TDRKH: variants seen among roughly 807,000 people sequenced by gnomAD.
TDRKH encodes the protein tudor and KH domain containing, also known as tudor and KH domain-containing protein.
A neutral mutation model predicts 61.3 loss-of-function variants in TDRKH; 28 were observed. That is an observed-to-expected ratio of 0.46 (90% CI 0.34 to 0.63). The LOEUF is 0.63. TDRKH is among the 20% of genes least tolerant of loss of function. The pLI is 0.01. For synonymous variants in TDRKH, 219 were observed against 244.4 expected, an observed-to-expected ratio of 0.90 and a Z score of 0.97; for missense variants, 540 against 683.4, an observed-to-expected ratio of 0.79 and a Z score of 2.34.
downstream of TDRKH, among the ~76,000 whole-genome samples, chr1:151,769,803 G>A (rs940327833): frequency 6.6e-6 from 1 of 152,226 alleles, no homozygotes; most frequent in African/African-American, 2.4e-5. Context: ...CTGAGTGAAC[G>A]AGGCTCCGTC....
Position 151,778,817 on chromosome 1 carries a change from C to G in TDRKH, c.751G>C (p.Val251Leu). The stretch of plus-strand genomic sequence containing the variant: ...CCTCCTCCTTTGGGTGGAGGAGTCA[C>G]CAGGGGTGCAGTCGGCTCCATGCTA... ...SSSMEPTAPLVTPPPKGGGDM... is the reference protein window; with the variant it reads ...SSSMEPTAPLLTPPPKGGGDM... Residue 251 changes from valine to leucine, a missense_variant, in exon 6 of 13, where the codon GTG becomes CTG. Val to Leu is a conservative substitution (Grantham distance 32). Coordinates refer to ENST00000368824, the MANE Select transcript of TDRKH (RefSeq NM_001083965.2). The G allele has an allele frequency of 6.2e-7, 1 of 1,614,166 alleles. No homozygotes were observed.
At chr1:151,789,206 G>GT (rs1306966570) in intron 1 of TDRKH, among the ~76,000 whole-genome samples, 3 of 152,166 alleles carry the variant, frequency 2.0e-5, no homozygotes, top group Admixed American at 1.3e-4. Context: ...GAAGCAAAAG[G>GT]TAAATTTCAC....
Position 151,781,557 on chromosome 1 carries a change from T to C in TDRKH, c.155A>G (p.Asp52Gly), listed in dbSNP as rs776396280. The change falls in exon 3 of 13, where the codon GAC (aspartate) becomes GGC (glycine). Residue 52 changes from aspartate (D) to glycine (G), a missense_variant. Physicochemically the swap from Asp to Gly is moderately conservative, Grantham distance 94. This residue lies in a region of TDRKH where 156 missense variants were observed against 218.0 expected (regional missense o/e 0.72). Coordinates refer to ENST00000368824, the MANE Select transcript of TDRKH (RefSeq NM_001083965.2). ...EERLTFVGED[D>G]IEIEMRVPQE... ...GGGAACCCGCATCTCTATCTCAATG[T>C]CATCTTCCCCAACAAATGTCAGCCG... 1.2e-6 allele frequency: 2 copies of C among 1,613,614 alleles called. No homozygotes were observed. The highest frequency in any genetic ancestry group is 1.3e-5 in the African/African-American group (1 of 74,914).
chr1:151,766,705 G>A, downstream of TDRKH: 4 of 1,551,618 alleles, frequency 2.6e-6, no homozygotes, highest in Non-Finnish European at 3.5e-6. Flanking sequence ...GCCACAGGGA[G>A]GCACTGAACT....
At chr1:151,787,775 T>C (rs1265055249) in intron 1 of TDRKH, among the ~76,000 whole-genome samples, 1 of 118,180 alleles carries the variant, frequency 8.5e-6, no homozygotes, top group Admixed American at 1.2e-4. Context: ...TATTCAAGAC[T>C]AGCCTGGGCA....
Position 151,776,498 on chromosome 1 carries a change from G to A in TDRKH, c.985C>T (p.Arg329Cys), listed in dbSNP as rs757835193. Residue 329 changes from arginine (R) to cysteine (C), a missense_variant, in exon 7 of 13, where the codon CGC (arginine) becomes TGC (cysteine). Transcript: ENST00000368824. ...ACAAGCTTATCCAATTGCAGGCTGC[G>A]GGAGCCAACGATCTGGATCCAGAAG... ...NHFWIQIVGS[R>C]SLQLDKLVNE... The A allele has an allele frequency of 1.2e-5, 20 of 1,614,166 alleles. No homozygotes were observed. The highest frequency in any genetic ancestry group is 3.3e-5 in the South Asian group (3 of 91,078).
chr1:151,788,624 C>G (rs574835098), intron 1 of TDRKH, among the ~76,000 whole-genome samples: 1 of 152,268 alleles, frequency 6.6e-6, no homozygotes, highest in African/African-American at 2.4e-5. Flanking sequence ...GAAACTGCGG[C>G]TAAGGGATAG....
At position 151,778,721 on chromosome 1, in the gene TDRKH, C is replaced by T; in HGVS notation, c.847G>A (p.Glu283Lys). ...KPSDDSFQKSEAQAIPEMPMF... is the reference protein window; with the variant it reads ...KPSDDSFQKSKAQAIPEMPMF... The stretch of plus-strand genomic sequence containing the variant: ...GGCATCTCTGGGATGGCCTGGGCTT[C>T]AGACTTCTGAAAGCTGTCATCACTA... The change falls in exon 6 of 13, where the codon GAA becomes AAA. Residue 283 changes from glutamate to lysine, a missense_variant. By Grantham distance (56) the Glu-to-Lys change is moderately conservative. Around this residue, in one of 3 missense-constraint regions of TDRKH, gnomAD observed 379 missense variants for 443.8 expected, o/e 0.85. Coordinates refer to ENST00000368824, the MANE Select transcript of TDRKH (RefSeq NM_001083965.2). 6.2e-7 allele frequency: 1 copy of T among 1,614,146 alleles called. No individual in the cohort carries two copies. Among genetic ancestry groups the T allele is most frequent in the East Asian group, 2.2e-5 (1 of 44,892 alleles).
chr1:151,781,057 T>C (rs1649711544), intron 3 of TDRKH, among the ~76,000 whole-genome samples: 1 of 151,822 alleles, frequency 6.6e-6, no homozygotes, highest in African/African-American at 2.4e-5. Flanking sequence ...GGCTCACACC[T>C]GTAATCCCAG....
intron 3 of TDRKH, among the ~76,000 whole-genome samples, chr1:151,781,182 T>C (rs1220783816): frequency 6.6e-6 from 1 of 151,126 alleles, no homozygotes; most frequent in African/African-American, 2.4e-5. Flanking sequence ...CTGGGCGTGG[T>C]GGCGGGTGCC....
downstream of TDRKH, chr1:151,770,406 A>C: frequency 8.3e-7 from 1 of 1,207,124 alleles, no homozygotes; most frequent in Non-Finnish European, 1.1e-6. Flanking sequence ...CGAAGGTGGG[A>C]AGTTGTAACT....
chr1:151,774,563 C>G (rs1389064292), intron 12 of TDRKH, 59 bp from the exon 13 acceptor site: 2 of 1,602,742 alleles, frequency 1.2e-6, no homozygotes, highest in Non-Finnish European at 1.7e-6. Context: ...GCAGGCAATG[C>G]CAGCGAGGCT....
intron 1 of TDRKH, among the ~76,000 whole-genome samples, chr1:151,785,074 G>T (rs1390445151): frequency 6.6e-6 from 1 of 151,788 alleles, no homozygotes; most frequent in Admixed American, 6.6e-5. Flanking sequence ...TGAGACTACA[G>T]GTGCATGCCA....
chr1:151,770,933 A>G, downstream of TDRKH: 1 of 1,153,686 alleles, frequency 8.7e-7, no homozygotes, highest in African/African-American at 1.6e-5. Context: ...GTTAGAGCCT[A>G]GGTCTGTTGG....
intron 4 of TDRKH, 91 bp downstream of exon 4, chr1:151,779,857 AGGG>A: frequency 7.5e-7 from 1 of 1,329,686 alleles, no homozygotes; most frequent in Non-Finnish European, 1.0e-6. Flanking sequence ...CACATGGTGA[AGGG>A]GAACTAGGCC....
downstream of TDRKH, chr1:151,770,250 C>A (rs148149745): frequency 6.1e-5 from 98 of 1,613,294 alleles, no homozygotes; most frequent in African/African-American, 1.2e-3. Context: ...ATGATCGGAA[C>A]GACAGAGGTG....
downstream of TDRKH, chr1:151,769,391 AC>A (rs1421327665): frequency 1.5e-5 from 2 of 137,280 alleles, no homozygotes; most frequent in Non-Finnish European, 3.0e-5. Context: ...CACTTCCCAG[AC>A]GAGGCGGCTG....
At chr1:151,773,241 A>G (rs1648844008), downstream of TDRKH, among the ~76,000 whole-genome samples, 4 of 151,952 alleles carry the variant, frequency 2.6e-5, no homozygotes, top group Non-Finnish European at 5.9e-5. Context: ...ACAGGGTTTC[A>G]CCATGTTGGC....
intron 3 of TDRKH, 95 bp downstream of exon 3, chr1:151,781,386 T>C (rs1184014703): frequency 1.3e-6 from 1 of 797,236 alleles, no homozygotes; most frequent in Non-Finnish European, 2.1e-6. Context: ...ACAGAGCATG[T>C]GAATGTTTTG....
Sources: gnomAD v4.1 joint callset for allele counts (sites outside exome capture counted in the v4.1 genomes callset) on GRCh38, gnomAD v4.1.1 for gene constraint, gnomAD v4.1.1 regional missense constraint, MANE v1.5 for transcripts, NCBI Gene and HGNC (gene_info 2026-07-23, HGNC 2026-07-21) for gene names.